CLCN1: variants seen among roughly 807,000 people sequenced by gnomAD.
The protein encoded by CLCN1 is chloride channel protein 1.
A neutral mutation model predicts 114.5 loss-of-function variants in CLCN1; 100 were observed. The ratio of observed to expected loss-of-function variants is 0.87; its 90% CI spans 0.74 to 1.03. The LOEUF (loss-of-function observed/expected upper bound fraction) is 1.03, where lower values mean the gene tolerates loss of function less well. CLCN1 is among the 50% of genes least tolerant of loss of function. CLCN1 has a pLI of 0.00. For synonymous variants in CLCN1, 485 were observed against 487.1 expected (o/e 1.00, Z 0.06); for missense variants, 1,188 against 1,250.0 (o/e 0.95, Z 0.75).
chr7:143,317,334 C>T (rs955990993), intron 1 of CLCN1, among the ~76,000 whole-genome samples: 16 of 150,712 alleles, frequency 1.1e-4, no homozygotes, highest in Admixed American at 5.3e-4. Context: ...CTGCGACCTC[C>T]GCCTCCCGGG....
rs573740941 is a variant in CLCN1, at chr7:143,342,327, T to C, written c.1797-45T>C. 78 of 1,610,816 alleles carry C rather than the reference T, an allele frequency of 4.8e-5. 1 individual carries two copies. In the South Asian group the frequency reaches 8.1e-4, roughly 17 times the overall value. ...AATCTTATGGGAGGAATGGAAGGGA[T>C]AGGTATACGGTGGGGCTAACCCACC... On this transcript the variant is annotated intron_variant, in intron 15 of 22. Transcript: ENST00000343257.
chr7:143,342,285 T>C, intron 15 of CLCN1, 87 bp from the exon 16 acceptor site: 1 of 1,542,292 alleles, frequency 6.5e-7, no homozygotes, highest in Non-Finnish European at 8.9e-7. Flanking sequence ...ATATTGTGAG[T>C]GACTGAAAGT....
chr7:143,348,022 G>A (rs550489583), intron 20 of CLCN1, among the ~76,000 whole-genome samples: 3 of 152,202 alleles, frequency 2.0e-5, no homozygotes, highest in East Asian at 3.9e-4. Flanking sequence ...CGCCGAAAAC[G>A]TAAAGCTTGT....
intron 15 of CLCN1, 32 bp from the exon 16 acceptor site, chr7:143,342,340 G>A (rs1421964619): frequency 6.2e-7 from 1 of 1,613,490 alleles, no homozygotes; most frequent in East Asian, 2.2e-5. Context: ...GTATACGGTG[G>A]GGCTAACCCA....
intron 2 of CLCN1, 91 bp from the exon 3 acceptor site, chr7:143,320,551 TTTTCTCTCTCTCTCTCTCTCTC>T: frequency 1.2e-6 from 1 of 864,936 alleles, no homozygotes; most frequent in Non-Finnish European, 1.8e-6. Flanking sequence ...CGTTAGCTGC[TTTTCTCTCTCTCTCTCTCTCTC>T]TCTCTCTCTC....
intron 1 of CLCN1, among the ~76,000 whole-genome samples, chr7:143,318,462 A>G (rs540260007): frequency 1.3e-5 from 2 of 152,276 alleles, no homozygotes; most frequent in Non-Finnish European, 2.9e-5. Context: ...ACCTCAGGTA[A>G]CCTGCCCATC....
intron 12 of CLCN1, among the ~76,000 whole-genome samples, chr7:143,334,434 C>T (rs6947788): frequency 0.89 from 134,913 of 152,148 alleles, 59,971 homozygotes; most frequent in African/African-American, 0.94. Context: ...TATGAGTCAC[C>T]AAGTTATATT....
In CLCN1 at chr7:143,324,408, T is replaced by A. The variant is rs772530818; in HGVS notation, c.775-6T>A. 6.2e-7 allele frequency: 1 copy of A among 1,608,478 alleles called. No homozygotes were observed. The highest frequency in any genetic ancestry group is 1.1e-5 in the South Asian group (1 of 90,980). ...CCTGTTTCTCTGTCTGTCTCTCCCC[T>A]AGTAGCAGCCATACTACTACTCTGA... On this transcript the variant is annotated splice_polypyrimidine_tract_variant and splice_region_variant and intron_variant, in intron 6 of 22. Coordinates refer to ENST00000343257, the MANE Select transcript of CLCN1 (RefSeq NM_000083.3). This position sits in a 1 kb window ranked among gnomAD's most constrained non-coding sequence, Gnocchi z 4.6.
intron 5 of CLCN1, among the ~76,000 whole-genome samples, chr7:143,322,454 C>G (rs1460631637): frequency 6.6e-6 from 1 of 152,226 alleles, no homozygotes; most frequent in Non-Finnish European, 1.5e-5. Context: ...AAAATGGGAT[C>G]AGTCTCATCT....
chr7:143,333,010 T>C, intron 12 of CLCN1, 137 bp downstream of exon 12: 2 of 1,048,784 alleles, frequency 1.9e-6, no homozygotes, highest in Non-Finnish European at 2.9e-6. Context: ...TTGAAAACCA[T>C]AGAGTTGGCC....
Position 143,339,316 on chromosome 7 carries a change from G to A in CLCN1, c.1465G>A (p.Val489Met), listed in dbSNP as rs1211105753. 1 of 1,612,062 alleles carries A rather than the reference G, an allele frequency of 6.2e-7. No homozygotes were observed. Among genetic ancestry groups the A allele is most frequent in the Non-Finnish European group, 8.5e-7 (1 of 1,178,078 alleles). The change falls in exon 13 of 23, where the codon GTG becomes ATG. Residue 489 changes from valine to methionine, a missense_variant. Transcript: ENST00000343257. The surrounding 1 kb of genome is among the most constrained non-coding windows in gnomAD (Gnocchi z 4.1). ...IPCGGFMPVFVLGAAFGRLVG... is the reference protein window; with the variant it reads ...IPCGGFMPVFMLGAAFGRLVG... The stretch of plus-strand genomic sequence containing the variant: ...CTGCGGAGGCTTCATGCCTGTGTTT[G>A]TGCTAGGTAAGTTCTGATGGGAAGC...
chr7:143,343,650 C>T (rs1205306644), intron 16 of CLCN1, among the ~76,000 whole-genome samples: 1 of 152,162 alleles, frequency 6.6e-6, no homozygotes, highest in African/African-American at 2.4e-5. Flanking sequence ...ATAAGTCATG[C>T]TTGTTCTTTA....
rs1554438576 is a variant in CLCN1 at position 143,342,505 on chromosome 7, G to A, written c.1930G>A (p.Asp644Asn). Residue 644 changes from aspartate to asparagine, a missense_variant and splice_region_variant, in exon 16 of 23, where the codon GAT becomes AAT. By Grantham distance (23) the Asp-to-Asn change is conservative (BLOSUM62 1). Coordinates refer to ENST00000343257, the MANE Select transcript of CLCN1 (RefSeq NM_000083.3). ...VKTLPLVDSK[D>N]SMILLGSVER... Reference sequence around the variant, plus strand: ...GACTTTACCACTGGTTGACTCAAAAGGTCAGTGGGGAGGAAGAAGTCGACT... The same window carrying A: ...GACTTTACCACTGGTTGACTCAAAAAGTCAGTGGGGAGGAAGAAGTCGACT... 2 of 1,614,164 alleles carry A rather than the reference G, an allele frequency of 1.2e-6. No individual in the cohort carries two copies. The highest frequency in any genetic ancestry group is 1.7e-6 in the Non-Finnish European group (2 of 1,180,040).
chr7:143,342,024 A>C lies in CLCN1; in HGVS notation c.1678A>C (p.Met560Leu). The C allele has an allele frequency of 6.2e-7, 1 of 1,614,212 alleles. No homozygotes were observed. The highest frequency in any genetic ancestry group is 8.5e-7 in the Non-Finnish European group (1 of 1,180,050). Residue 560 changes from methionine (M) to leucine (L), a missense_variant, in exon 15 of 23, where the codon ATG (methionine) becomes CTG (leucine). By Grantham distance (15) the Met-to-Leu change is conservative. Coordinates refer to ENST00000343257, the MANE Select transcript of CLCN1 (RefSeq NM_000083.3). ...TGQIAHILPM[M>L]VAVILANMVA... ...TCAGATTGCTCACATCCTGCCCATG[A>C]TGGTGGCTGTTATCTTGGCCAACAT...
At position 143,350,429 on chromosome 7, in the gene CLCN1, A is replaced by G. The variant is rs1803361342; in HGVS notation, c.2461A>G (p.Ile821Val). 6.2e-7 allele frequency: 1 copy of G among 1,614,162 alleles called. No homozygotes were observed. Among genetic ancestry groups the G allele is most frequent in the Non-Finnish European group, 8.5e-7 (1 of 1,180,030 alleles). The change falls in exon 21 of 23, where the codon ATT (isoleucine) becomes GTT (valine). Residue 821 changes from isoleucine (I) to valine (V), a missense_variant. Coordinates refer to ENST00000343257, the MANE Select transcript of CLCN1 (RefSeq NM_000083.3). This position sits in a 1 kb window ranked among gnomAD's most constrained non-coding sequence, Gnocchi z 5.1. ...SQPVCFDSCC[I>V]DQSPFQLVEQ... Reference sequence around the variant, plus strand: ...GCCTGTCTGTTTTGATTCCTGCTGTATTGACCAGTCTCCCTTCCAGCTGGT... The same window carrying G: ...GCCTGTCTGTTTTGATTCCTGCTGTGTTGACCAGTCTCCCTTCCAGCTGGT...
chr7:143,321,692 A>C lies in CLCN1; in HGVS notation c.563-23A>C, dbSNP rs41276048. On this transcript the variant is annotated intron_variant, in intron 4 of 22. Transcript: ENST00000343257. The surrounding 1 kb of genome is among the most constrained non-coding windows in gnomAD (Gnocchi z 4.2). The stretch of plus-strand genomic sequence containing the variant: ...CTTTTCACCTTCACCTTGACCCTGC[A>C]CATAATCTTTCAACGCTTTTAGGCT... The C allele has an allele frequency of 6.2e-7, 1 of 1,614,094 alleles. No individual in the cohort carries two copies. Among genetic ancestry groups the C allele is most frequent in the South Asian group, 1.1e-5 (1 of 91,090 alleles).
intron 14 of CLCN1, 130 bp from the exon 15 acceptor site, chr7:143,341,799 A>G: frequency 2.7e-6 from 2 of 734,862 alleles, no homozygotes; most frequent in South Asian, 1.5e-5. Flanking sequence ...ACTCTTGACA[A>G]GTCATTATGA....
At chr7:143,343,322 C>A (rs1406412051) in intron 16 of CLCN1, among the ~76,000 whole-genome samples, 1 of 152,140 alleles carries the variant, frequency 6.6e-6, no homozygotes, top group Non-Finnish European at 1.5e-5. Context: ...AGCAAAATCA[C>A]CAACACAAAG....
In CLCN1 at chr7:143,351,747, A is replaced by G. The variant is rs1803414359; in HGVS notation, c.2749A>G (p.Thr917Ala). 3 of 1,614,162 alleles carry G rather than the reference A, an allele frequency of 1.9e-6. No individual in the cohort carries two copies. The highest frequency in any genetic ancestry group is 1.1e-5 in the South Asian group (1 of 91,084). Reference protein sequence around the residue: ...WNLPEDRPGATGTGDVIAASP... With the variant: ...WNLPEDRPGAAGTGDVIAASP... The stretch of plus-strand genomic sequence containing the variant: ...CCTGCCTGAGGACAGGCCTGGGGCC[A>G]CTGGAACAGGGGATGTGATTGCTGC... The change falls in exon 23 of 23, where the codon ACT (threonine) becomes GCT (alanine). Residue 917 changes from threonine to alanine, a missense_variant. By Grantham distance (58) the Thr-to-Ala change is moderately conservative. Coordinates refer to ENST00000343257, the MANE Select transcript of CLCN1 (RefSeq NM_000083.3).
Sources: allele counts gnomAD v4.1 joint callset (sites outside exome capture counted in the v4.1 genomes callset), GRCh38; gene constraint gnomAD v4.1.1; non-coding constraint Gnocchi (gnomAD v3.1); transcripts MANE v1.5; gene names NCBI Gene and HGNC (gene_info 2026-07-23, HGNC 2026-07-21).